Variants in ARMCX4 observed in about 807,000 individuals in gnomAD.
ARMCX4 encodes the protein armadillo repeat-containing X-linked protein 4.
In ARMCX4, 3 loss-of-function variants were observed where a neutral mutation model predicts 34.7. The ratio of observed to expected loss-of-function variants is 0.09; its 90% CI spans 0.04 to 0.22. The LOEUF (loss-of-function observed/expected upper bound fraction) is 0.22. Ranked by LOEUF, ARMCX4 falls within the 10% of genes least tolerant of loss-of-function variation. The pLI is 1.00. For synonymous variants in ARMCX4, 513 were observed against 632.8 expected (o/e 0.81, Z 2.84); for missense variants, 1,448 against 1,720.8 (o/e 0.84, Z 2.81).
At chrX:101,446,972 G>C, downstream of ARMCX4, among the ~76,000 whole-genome samples, 1 of 109,197 alleles carries the variant, frequency 9.2e-6, no homozygotes, top group South Asian at 3.9e-4. Flanking sequence ...AAAAAAGTCA[G>C]CTGAAACTGA....
At chrX:101,480,698 T>C (rs936038643), upstream of ARMCX4, among the ~76,000 whole-genome samples, 2 of 112,136 alleles carry the variant, frequency 1.8e-5, no homozygotes, top group Non-Finnish European at 3.8e-5. Flanking sequence ...CTACAAACCA[T>C]TTAAAAAATA....
Position 101,495,469 on chromosome X carries a change from G to A in ARMCX4, c.*7G>A, listed in dbSNP as rs1243292443. On this transcript the variant is annotated 3_prime_UTR_variant, in exon 6 of 6. Coordinates refer to ENST00000423738, the MANE Select transcript of ARMCX4 (RefSeq NM_001256155.3). ...ATTAATAAGTAAACTCTGATTGGCT[G>A]TATGTTCCCAAACAAATTTGAGTAA... 9.2e-7 allele frequency: 1 copy of A among 1,088,614 alleles called. No individual in the cohort carries two copies. The highest frequency in any genetic ancestry group is 1.2e-6 in the Non-Finnish European group (1 of 841,900). 89.7% of individuals were successfully genotyped at this position (1,088,614 alleles called of 1,213,427 possible).
chrX:101,520,365 C>T (rs1556018808), intron 11 of ARMCX4, among the ~76,000 whole-genome samples: 1 of 112,166 alleles, frequency 8.9e-6, no homozygotes, highest in East Asian at 2.8e-4. Flanking sequence ...TTGTCTTGTT[C>T]CTGATTTTCA....
intron 4 of ARMCX4, among the ~76,000 whole-genome samples, chrX:101,455,717 T>C (rs904577339): frequency 3.6e-5 from 4 of 111,338 alleles, no homozygotes; most frequent in Non-Finnish European, 7.5e-5. Flanking sequence ...GTCACATGGG[T>C]AATTGTATGT....
chrX:101,529,283 T>C (rs1462142104), intron 11 of ARMCX4, among the ~76,000 whole-genome samples: 2 of 111,716 alleles, frequency 1.8e-5, no homozygotes, highest in African/African-American at 6.5e-5. Flanking sequence ...TAGCCATATG[T>C]AGAAAGCTGA....
rs73563071 is a variant in ARMCX4 at position 101,486,045 on chromosome X, C to T, written c.-414C>T. Reference sequence around the variant, plus strand: ...CAGTAGTTCGGTGTAGCACTGTTTGCGGCGAGGAGAAAGGAAGGAGAGGAG... The same window carrying T: ...CAGTAGTTCGGTGTAGCACTGTTTGTGGCGAGGAGAAAGGAAGGAGAGGAG... On this transcript the variant is annotated 5_prime_UTR_variant, in exon 2 of 6. Transcript: ENST00000423738. 0.044 allele frequency: 4,916 copies of T among 111,184 alleles called. 276 individuals are homozygous for T. Among genetic ancestry groups the T allele is most frequent in the African/African-American group, 0.15 (4,695 of 30,418 alleles). 9.2% of individuals were successfully genotyped at this position (111,184 alleles called of 1,213,427 possible). A position where few individuals can be genotyped will look rare whatever the true frequency, so the allele number is the denominator to read the frequency against.
At position 101,491,569 on chromosome X, in the gene ARMCX4, G is replaced by A. The variant is rs918884394; in HGVS notation, c.2980G>A (p.Ala994Thr). 10 of 1,155,480 alleles carry A rather than the reference G, an allele frequency of 8.7e-6. No individual in the cohort carries two copies. Among genetic ancestry groups the A allele is most frequent in the African/African-American group, 7.1e-5 (4 of 56,170 alleles). ...GGGCTCTGCCCAGCCCCAAGCTGTC[G>A]CTAATTCCCAGAGTGAGACCTTGCT... ...TVGSAQPQAV[A>T]NSQSETLLGA... is the part of the protein sequence containing the mutation. The change falls in exon 6 of 6, where the codon GCT becomes ACT. Residue 994 changes from alanine to threonine, a missense_variant. Ala to Thr is a moderately conservative substitution (Grantham distance 58). Around this residue, in one of 2 missense-constraint regions of ARMCX4, gnomAD observed 1,343 missense variants for 1,540.7 expected, o/e 0.87. Coordinates refer to ENST00000423738, the MANE Select transcript of ARMCX4 (RefSeq NM_001256155.3).
In ARMCX4 at chrX:101,493,113, A is replaced by C. The variant is rs1335231603; in HGVS notation, c.4524A>C (p.Gly1508=). 6 of 1,151,862 alleles carry C rather than the reference A, an allele frequency of 5.2e-6. No homozygotes were observed. The highest frequency in any genetic ancestry group is 6.9e-6 in the Non-Finnish European group (6 of 871,953). The allele number at this position is 1,151,862 out of a possible 1,213,427, so 94.9% of individuals were successfully genotyped here. A position where few individuals can be genotyped will look rare whatever the true frequency, so the allele number is the denominator to read the frequency against. Reference sequence around the variant, plus strand: ...CTGGCACTGGGGACCAGGCCAGTGGATGGTTCTGTGTTTGCCCTGGGAGTC... The same window carrying C: ...CTGGCACTGGGGACCAGGCCAGTGGCTGGTTCTGTGTTTGCCCTGGGAGTC... ...SWAGTGDQAS[G]WFCVCPGSQT... Residue 1508 remains glycine (G), a synonymous_variant, in exon 6 of 6, where the codon GGA becomes GGC. Transcript: ENST00000423738.
chrX:101,467,735 T>A (rs1419252756), intron 4 of ARMCX4, among the ~76,000 whole-genome samples: 1 of 111,890 alleles, frequency 8.9e-6, no homozygotes, highest in Non-Finnish European at 1.9e-5. Context: ...TAGTTAACAT[T>A]CTCCTAATCT....
intron 11 of ARMCX4, among the ~76,000 whole-genome samples, chrX:101,515,072 T>C (rs1235556607): frequency 1.8e-5 from 2 of 111,751 alleles, no homozygotes; most frequent in African/African-American, 6.5e-5. Flanking sequence ...AGGTCATTTA[T>C]ACAGTACTTG....
At chrX:101,440,759 A>G (rs1555996617) in intron 2 of ARMCX4, among the ~76,000 whole-genome samples, 2 of 111,264 alleles carry the variant, frequency 1.8e-5, no homozygotes, top group Non-Finnish European at 3.8e-5. Context: ...CCGTGGGTGT[A>G]GGACCCTCCG....
Position 101,488,055 on chromosome X carries a change from A to G in ARMCX4, c.-191A>G. The G allele has an allele frequency of 1.1e-6, 1 of 945,919 alleles. No individual in the cohort carries two copies. 78.0% of individuals were successfully genotyped at this position (945,919 alleles called of 1,213,427 possible). On this transcript the variant is annotated 5_prime_UTR_variant, in exon 5 of 6. Coordinates refer to ENST00000423738, the MANE Select transcript of ARMCX4 (RefSeq NM_001256155.3). ...TGTATCTACTTTAGGGTGTACTGCC[A>G]AGAGAAGCAAGAGGAGAGGAGGGAA...
chrX:101,515,381 T>TTCTTTCTTTC (rs782141206), intron 11 of ARMCX4, among the ~76,000 whole-genome samples: 10 of 12,262 alleles, frequency 8.2e-4, no homozygotes, highest in East Asian at 3.0e-3. Flanking sequence ...CTTTCTTTCT[T>TTCTTTCTTTC]TTTCTTTCTT....
At chrX:101,431,942 A>T (rs1371306830) in intron 2 of ARMCX4, among the ~76,000 whole-genome samples, 4 of 112,409 alleles carry the variant, frequency 3.6e-5, no homozygotes, top group African/African-American at 1.3e-4. Context: ...TGTTTTCTTT[A>T]TAAATTTATG....
At chrX:101,479,477 T>TTAAAAAAA (rs1933347239) in intron 4 of ARMCX4, among the ~76,000 whole-genome samples, 1 of 107,773 alleles carries the variant, frequency 9.3e-6, no homozygotes, top group Non-Finnish European at 1.9e-5. Flanking sequence ...AGTTGATCTA[T>TTAAAAAAA]AAATTCCTTT....
Position 101,485,741 on chromosome X carries a change from G to A in ARMCX4, c.-437+211G>A, listed in dbSNP as rs782208840. Reference sequence around the variant, plus strand: ...TGTGGGGAGATTGTCTCTGCCAGAGGGAAATACAGAGATTGAGATGCCCAT... The same window carrying A: ...TGTGGGGAGATTGTCTCTGCCAGAGAGAAATACAGAGATTGAGATGCCCAT... On this transcript the variant is annotated intron_variant, in intron 1 of 5. Coordinates refer to ENST00000423738, the MANE Select transcript of ARMCX4 (RefSeq NM_001256155.3). Among the ~76,000 whole-genome samples the A allele has an allele frequency of 1.1e-4, 12 of 112,367 alleles. No individual in the cohort carries two copies. The South Asian group carries it at 4.4e-3, about 41-fold the overall frequency.
chrX:101,499,133 G>A (rs1201740813), downstream of ARMCX4: 1 of 112,038 alleles, frequency 8.9e-6, no homozygotes, highest in Non-Finnish European at 1.9e-5. Context: ...ATTCTAAGGA[G>A]CTTGATCAGG....
chrX:101,520,015 T>A (rs2147713804), intron 11 of ARMCX4, among the ~76,000 whole-genome samples: 1 of 111,921 alleles, frequency 8.9e-6, no homozygotes, highest in East Asian at 2.8e-4. Context: ...AAAATCAAGT[T>A]ATTTGGTTTT....
downstream of ARMCX4, among the ~76,000 whole-genome samples, chrX:101,448,207 C>T (rs113445577): frequency 7.1e-4 from 79 of 111,967 alleles, no homozygotes; most frequent in Non-Finnish European, 1.4e-3. Flanking sequence ...TACTCCATTG[C>T]GTATAAGTAC....
Sources: allele counts gnomAD v4.1 joint callset (sites outside exome capture counted in the v4.1 genomes callset), GRCh38; gene constraint gnomAD v4.1.1; regional missense constraint gnomAD v4.1.1; transcripts MANE v1.5; gene names NCBI Gene and HGNC (gene_info 2026-07-23, HGNC 2026-07-21).